The following UBR4 variants were observed in gnomAD, a reference collection of about 807,000 sequenced individuals.
The protein encoded by UBR4 is E3 ubiquitin-protein ligase UBR4.
A neutral mutation model predicts 575.6 loss-of-function variants in UBR4; 124 were observed. The observed-to-expected ratio is 0.22, with a 90% CI of 0.19 to 0.25. The LOEUF (loss-of-function observed/expected upper bound fraction) is 0.25, where lower values mean the gene tolerates loss of function less well. Ranked by LOEUF, UBR4 falls within the 10% of genes least tolerant of loss-of-function variation. The pLI is 1.00. For missense variants in UBR4, 4,818 were observed against 6,478.8 expected, an observed-to-expected ratio of 0.74 and a Z score of 8.80; for synonymous variants, 2,455 against 2,473.7, an observed-to-expected ratio of 0.99 and a Z score of 0.22.
chr1:19,124,476 C>T, intron 65 of UBR4, 65 bp downstream of exon 65: 1 of 1,579,066 alleles, frequency 6.3e-7, no homozygotes, highest in Non-Finnish European at 8.6e-7. Flanking sequence ...AAGAAAGGGG[C>T]CCACAGAGGT....
At chr1:19,128,149 G>A in intron 62 of UBR4, 62 bp downstream of exon 62, 2 of 1,497,482 alleles carry the variant, frequency 1.3e-6, no homozygotes, top group Non-Finnish European at 1.9e-6. Context: ...GAAACGAATG[G>A]GAACCTGAGA....
intron 52 of UBR4, 129 bp from the exon 53 acceptor site, chr1:19,146,062 C>T (rs776856786): frequency 1.3e-6 from 2 of 1,570,976 alleles, no homozygotes; most frequent in Non-Finnish European, 1.7e-6. Flanking sequence ...ATCAATATGC[C>T]AACTATCCCT....
chr1:19,127,818 C>A, intron 62 of UBR4, 79 bp from the exon 63 acceptor site: 1 of 1,169,370 alleles, frequency 8.6e-7, no homozygotes, highest in South Asian at 1.3e-5. Context: ...CCCTTCAAGT[C>A]AAGCCCATCA....
In UBR4 at chr1:19,124,700, G is replaced by T; in HGVS notation, c.9439-10C>A. On this transcript the variant is annotated splice_polypyrimidine_tract_variant and intron_variant, in intron 64 of 105. Transcript: ENST00000375254. ...CATCAGCAGCATGACCCTGGGAGAA[G>T]AAAATTTGCATGAGAACCTGTGACT... The T allele has an allele frequency of 6.2e-7, 1 of 1,604,450 alleles. No individual in the cohort carries two copies. Among genetic ancestry groups the T allele is most frequent in the Non-Finnish European group, 8.5e-7 (1 of 1,176,248 alleles).
intron 51 of UBR4, 82 bp from the exon 52 acceptor site, chr1:19,147,082 T>C (rs2084971332): frequency 6.9e-7 from 1 of 1,454,114 alleles, no homozygotes; most frequent in Non-Finnish European, 9.2e-7. Context: ...AGCTGGCAGA[T>C]CACCAGGATT....
Position 19,106,933 on chromosome 1 carries a change from G to C in UBR4, c.12139C>G (p.Pro4047Ala). The C allele has an allele frequency of 2.5e-6, 4 of 1,612,682 alleles. No individual in the cohort carries two copies. The highest frequency in any genetic ancestry group is 3.4e-6 in the Non-Finnish European group (4 of 1,179,964). ...TGGGCATGGATCTCATTGCAGTATG[G>C]CTTCACCGTGGTGAGGGCCTCAACG... ...VPVEALTTVK[P>A]YCNEIHAQAQ... Residue 4047 changes from proline (P) to alanine (A), a missense_variant, in exon 82 of 106, where the codon CCA becomes GCA. Transcript: ENST00000375254.
chr1:19,148,509 A>G (rs1054089317), intron 50 of UBR4, 54 bp downstream of exon 50: 14 of 1,609,324 alleles, frequency 8.7e-6, no homozygotes, highest in Admixed American at 3.3e-5. Flanking sequence ...GGGCAACTCC[A>G]CTGACTTCCT....
intron 105 of UBR4, 152 bp from the exon 106 acceptor site, chr1:19,075,048 A>G: frequency 1.3e-6 from 1 of 754,092 alleles, no homozygotes; most frequent in Non-Finnish European, 2.3e-6. Context: ...CCGGGGAGGT[A>G]GTCATTGAGC....
At chr1:19,185,415 T>C (rs548960550) in intron 14 of UBR4, 129 bp from the exon 15 acceptor site, 19 of 915,400 alleles carry the variant, frequency 2.1e-5, no homozygotes, top group African/African-American at 1.5e-4. Context: ...GGTTACAAGA[T>C]TGCATTTGTG....
intron 90 of UBR4, 38 bp downstream of exon 90, chr1:19,099,559 G>T: frequency 6.3e-7 from 1 of 1,589,076 alleles, no homozygotes; most frequent in Non-Finnish European, 8.6e-7. Context: ...AGTCAGAAAA[G>T]TGAAACCACA....
In UBR4 at chr1:19,100,938, G is replaced by A. The variant is rs895775505; in HGVS notation, c.13024-365C>T. 1.3e-5 allele frequency among the ~76,000 whole-genome samples: 2 copies of A among 152,050 alleles called. No homozygotes were observed. Among genetic ancestry groups the A allele is most frequent in the African/African-American group, 4.8e-5 (2 of 41,386 alleles). On this transcript the variant is annotated intron_variant, in intron 88 of 105. Transcript: ENST00000375254. The surrounding 1 kb of genome is among the most constrained non-coding windows in gnomAD (Gnocchi z 4.2). Reference sequence around the variant, plus strand: ...TGATGCTAACCAATTTGGGGCCAGAGGACTTTGTCACTGATGACCCTGAAG... The same window carrying A: ...TGATGCTAACCAATTTGGGGCCAGAAGACTTTGTCACTGATGACCCTGAAG...
intron 19 of UBR4, among the ~76,000 whole-genome samples, chr1:19,177,102 A>C (rs1414320182): frequency 2.6e-5 from 4 of 152,228 alleles, no homozygotes; most frequent in Non-Finnish European, 5.9e-5. Flanking sequence ...AAAGGAATTT[A>C]CCAATCCATA....
intron 104 of UBR4, 113 bp from the exon 105 acceptor site, chr1:19,077,015 A>T: frequency 1.8e-6 from 2 of 1,132,948 alleles, no homozygotes; most frequent in Non-Finnish European, 2.5e-6. Flanking sequence ...CCCAACCTAC[A>T]CCAAAGCATA....
chr1:19,142,858 G>T (rs1027797483), intron 55 of UBR4, among the ~76,000 whole-genome samples: 5 of 152,010 alleles, frequency 3.3e-5, no homozygotes, highest in African/African-American at 1.2e-4. Context: ...GCAGTGGCTC[G>T]CGCCTATAAT....
chr1:19,144,912 A>G lies in UBR4; in HGVS notation c.7946-5T>C, dbSNP rs1354825880. 6.2e-7 allele frequency: 1 copy of G among 1,611,906 alleles called. No homozygotes were observed. Among genetic ancestry groups the G allele is most frequent in the Admixed American group, 1.7e-5 (1 of 59,378 alleles). On this transcript the variant is annotated splice_polypyrimidine_tract_variant and splice_region_variant and intron_variant, in intron 53 of 105. Transcript: ENST00000375254. ...TAGCTTCAATATGAGTTAGTCCTAA[A>G]GGAGAGACAAACATTATTTGAAAAT...
intron 87 of UBR4, among the ~76,000 whole-genome samples, chr1:19,103,287 T>A (rs1201633778): frequency 6.6e-6 from 1 of 152,160 alleles, no homozygotes; most frequent in Non-Finnish European, 1.5e-5. Flanking sequence ...TGTGAATTTT[T>A]AAAAAGAGAC....
intron 78 of UBR4, among the ~76,000 whole-genome samples, chr1:19,111,052 T>C (rs941055887): frequency 2.0e-5 from 3 of 152,140 alleles, no homozygotes; most frequent in Admixed American, 2.0e-4. Flanking sequence ...GAACAGAAGC[T>C]AACTGAGGGA....
intron 101 of UBR4, 125 bp downstream of exon 101, chr1:19,086,020 A>G: frequency 7.1e-7 from 1 of 1,404,656 alleles, no homozygotes; most frequent in Non-Finnish European, 9.5e-7. Flanking sequence ...CAGCAAGCAG[A>G]CAGACATGGA....
At position 19,115,604 on chromosome 1, in the gene UBR4, C is replaced by A; in HGVS notation, c.10857G>T (p.Gln3619His). The part of the protein sequence containing the change: ...PARWHKAKKV[Q>H]LTPGQTEVKI... ...TCACCTCTGTCTGTCCAGGGGTCAG[C>A]TGAACCTTCTTGGCTTTGTGCCAGC... The change falls in exon 74 of 106, where the codon CAG (glutamine) becomes CAT (histidine). Residue 3619 changes from glutamine (Q) to histidine (H), a missense_variant. By Grantham distance (24) the Gln-to-His change is conservative. This residue lies in a region of UBR4 where 550 missense variants were observed against 791.5 expected (regional missense o/e 0.69). Coordinates refer to ENST00000375254, the MANE Select transcript of UBR4 (RefSeq NM_020765.3). The A allele has an allele frequency of 6.2e-7, 1 of 1,614,198 alleles. No homozygotes were observed. The highest frequency in any genetic ancestry group is 8.5e-7 in the Non-Finnish European group (1 of 1,180,018).
Sources: gnomAD v4.1 joint callset for allele counts (sites outside exome capture counted in the v4.1 genomes callset) on GRCh38, gnomAD v4.1.1 for gene constraint, gnomAD v4.1.1 regional missense constraint, Gnocchi (gnomAD v3.1) non-coding constraint, MANE v1.5 for transcripts, NCBI Gene and HGNC (gene_info 2026-07-23, HGNC 2026-07-21) for gene names.